Variants in CACNA1B observed in about 807,000 individuals in gnomAD.
CACNA1B encodes calcium voltage-gated channel subunit alpha1 B, also known as voltage-dependent N-type calcium channel subunit alpha-1B.
CACNA1B carries 70 observed loss-of-function variants against 247.2 expected under a neutral mutation model. That is an observed-to-expected ratio of 0.28 (90% CI 0.23 to 0.35). CACNA1B has a LOEUF of 0.35. Among genes scored for constraint, CACNA1B ranks in the 10% least tolerant of loss-of-function variants. CACNA1B has a pLI of 1.00. For synonymous variants in CACNA1B, 1,231 were observed against 1,294.4 expected, an observed-to-expected ratio of 0.95 and a Z score of 1.05; for missense variants, 2,367 against 3,197.4, an observed-to-expected ratio of 0.74 and a Z score of 6.26.
chr9:138,120,423 AG>A, intron 45 of CACNA1B, 51 bp downstream of exon 45: 1 of 1,498,338 alleles, frequency 6.7e-7, no homozygotes, highest in African/African-American at 1.4e-5. Flanking sequence ...GGCCCGAGTC[AG>A]GGGGTCCAAG....
intron 20 of CACNA1B, among the ~76,000 whole-genome samples, chr9:138,026,615 T>C (rs948996283): frequency 2.0e-5 from 3 of 152,224 alleles, no homozygotes; most frequent in Non-Finnish European, 4.4e-5. Context: ...GCTCATTTGT[T>C]TTAAGCGTTG....
chr9:137,910,443 G>C (rs904916236), intron 3 of CACNA1B, among the ~76,000 whole-genome samples: 2 of 152,128 alleles, frequency 1.3e-5, no homozygotes, highest in Non-Finnish European at 2.9e-5. Flanking sequence ...CAGAGGTCGG[G>C]GGATGGTTTT....
rs1209428507 is a variant in CACNA1B, at chr9:138,054,383, T to C, written c.3968+377T>C. ...AGAGGGGCTGCCCGATGGCTGGAGCTGCTGTCACTGTCCACATGAGGCCTC... is the reference window on the plus strand; with the variant it reads ...AGAGGGGCTGCCCGATGGCTGGAGCCGCTGTCACTGTCCACATGAGGCCTC... On this transcript the variant is annotated intron_variant, in intron 26 of 46. Coordinates refer to ENST00000371372, the MANE Select transcript of CACNA1B (RefSeq NM_000718.4). This position sits in a 1 kb window ranked among gnomAD's most constrained non-coding sequence, Gnocchi z 4.6. Among the ~76,000 whole-genome samples, 3 of 152,218 alleles carry C rather than the reference T, an allele frequency of 2.0e-5. No individual in the cohort carries two copies. The highest frequency in any genetic ancestry group is 2.1e-4 in the South Asian group (1 of 4,832).
intron 6 of CACNA1B, among the ~76,000 whole-genome samples, chr9:137,926,209 A>G (rs1302442840): frequency 6.6e-6 from 1 of 151,462 alleles, no homozygotes; most frequent in Non-Finnish European, 1.5e-5. Context: ...AGCTGGGATT[A>G]CAGGCACCTG....
chr9:137,953,526 G>A (rs1957903614), intron 7 of CACNA1B, among the ~76,000 whole-genome samples: 1 of 152,176 alleles, frequency 6.6e-6, no homozygotes, highest in Admixed American at 6.5e-5. Flanking sequence ...TCATTAGCAG[G>A]CCTCTCCAAA....
rs1957454576 is a variant in CACNA1B, at chr9:137,919,620, G to A, written c.966+2189G>A. Among the ~76,000 whole-genome samples the A allele has an allele frequency of 6.6e-6, 1 of 152,254 alleles. No homozygotes were observed. Among genetic ancestry groups the A allele is most frequent in the South Asian group, 2.1e-4 (1 of 4,832 alleles). On this transcript the variant is annotated intron_variant, in intron 6 of 46. Transcript: ENST00000371372. The surrounding 1 kb of genome is among the most constrained non-coding windows in gnomAD (Gnocchi z 4.6). ...GCCCCTCACCTCCAACCCAGTGAGA[G>A]GGACTTTTGTGGCCCCTCGGATATA...
chr9:137,921,286 G>A (rs1237188338), intron 6 of CACNA1B, among the ~76,000 whole-genome samples: 2 of 151,674 alleles, frequency 1.3e-5, no homozygotes, highest in Non-Finnish European at 3.0e-5. Context: ...AGAGTAAAGC[G>A]TTCGGAGAAC....
At chr9:137,953,004 T>C (rs111630932) in intron 7 of CACNA1B, among the ~76,000 whole-genome samples, 1,966 of 152,128 alleles carry the variant, frequency 0.013, 16 homozygotes, top group African/African-American at 0.019. Context: ...CTCCAGGGGA[T>C]GGTGAGAGAG....
chr9:138,101,409 A>G (rs926689484), intron 37 of CACNA1B, among the ~76,000 whole-genome samples: 4 of 152,190 alleles, frequency 2.6e-5, no homozygotes, highest in African/African-American at 7.2e-5. Flanking sequence ...TTGAGAGTGC[A>G]CAGAAAGCTT....
At chr9:138,108,308 C>CAAAAAAAAAA (rs935431476) in intron 39 of CACNA1B, among the ~76,000 whole-genome samples, 1 of 44,092 alleles carries the variant, frequency 2.3e-5, no homozygotes, top group African/African-American at 7.6e-5. Flanking sequence ...AACCCCATCT[C>CAAAAAAAAAA]AAAAAAAAAA....
In CACNA1B at chr9:137,986,807, A is replaced by G. The variant is rs1398402783; in HGVS notation, c.1927A>G (p.Thr643Ala). 2 of 1,613,796 alleles carry G rather than the reference A, an allele frequency of 1.2e-6. No homozygotes were observed. The highest frequency in any genetic ancestry group is 1.3e-5 in the African/African-American group (1 of 74,920). The change falls in exon 15 of 47, where the codon ACA (threonine) becomes GCA (alanine). Residue 643 changes from threonine to alanine, a missense_variant. Thr to Ala is a moderately conservative substitution (Grantham distance 58). This residue lies in a region of CACNA1B where 76 missense variants were observed against 191.0 expected (regional missense o/e 0.40). Coordinates refer to ENST00000371372, the MANE Select transcript of CACNA1B (RefSeq NM_000718.4). The surrounding 1 kb of genome is among the most constrained non-coding windows in gnomAD (Gnocchi z 6.0). Reference protein sequence around the residue: ...GQFNFQDETPTTNFDTFPAAI... With the variant: ...GQFNFQDETPATNFDTFPAAI... Reference sequence around the variant, plus strand: ...GTTCAACTTCCAGGATGAGACTCCCACAACCAACTTCGACACCTTCCCTGC... The same window carrying G: ...GTTCAACTTCCAGGATGAGACTCCCGCAACCAACTTCGACACCTTCCCTGC...
intron 37 of CACNA1B, among the ~76,000 whole-genome samples, chr9:138,097,870 C>T (rs1368612533): frequency 1.3e-5 from 2 of 152,228 alleles, no homozygotes; most frequent in Non-Finnish European, 2.9e-5. Context: ...ACACAAAAGG[C>T]CTGGGAGCCC....
chr9:138,074,146 A>G (rs2131314028), intron 34 of CACNA1B, 80 bp downstream of exon 34: 1 of 981,062 alleles, frequency 1.0e-6, no homozygotes, highest in East Asian at 2.4e-5. Context: ...ATGATTGTCA[A>G]ATCATCGTCA....
intron 15 of CACNA1B, among the ~76,000 whole-genome samples, chr9:138,000,388 G>A (rs960782797): frequency 3.9e-5 from 6 of 152,172 alleles, no homozygotes; most frequent in Non-Finnish European, 5.9e-5. Flanking sequence ...ATGAGCCACC[G>A]TGCCTGGCCA....
Position 138,119,536 on chromosome 9 carries a change from C to T in CACNA1B, c.6031-629C>T, listed in dbSNP as rs567888449. ...GTGGATCTGAACCTCGTCCGTGGCT[C>T]GTCTCCCATCCCACTGCTGTGGCCA... is the stretch of plus-strand genomic sequence containing the variant. On this transcript the variant is annotated intron_variant, in intron 44 of 46. Coordinates refer to ENST00000371372, the MANE Select transcript of CACNA1B (RefSeq NM_000718.4). Among the ~76,000 whole-genome samples, 12 of 152,302 alleles carry T rather than the reference C, an allele frequency of 7.9e-5. No homozygotes were observed. In the South Asian group the frequency reaches 1.7e-3, roughly 21 times the overall value.
At chr9:137,907,994 G>A (rs182840123) in intron 3 of CACNA1B, among the ~76,000 whole-genome samples, 2 of 152,260 alleles carry the variant, frequency 1.3e-5, no homozygotes, top group African/African-American at 2.4e-5. Flanking sequence ...GGTTTCATAC[G>A]TCAGGCCTGT....
chr9:137,929,363 G>A (rs953153035), intron 6 of CACNA1B, among the ~76,000 whole-genome samples: 2 of 152,078 alleles, frequency 1.3e-5, no homozygotes, highest in African/African-American at 4.8e-5. Context: ...AGACCAGCCT[G>A]GGCACCATAG....
intron 36 of CACNA1B, among the ~76,000 whole-genome samples, chr9:138,087,200 A>G (rs1462672013): frequency 6.7e-6 from 1 of 149,814 alleles, no homozygotes; most frequent in Non-Finnish European, 1.5e-5. Flanking sequence ...AGCCTGGCTA[A>G]CATGGTGAAA....
At chr9:138,032,401 C>A (rs11137344) in intron 20 of CACNA1B, among the ~76,000 whole-genome samples, 29,500 of 152,106 alleles carry the variant, frequency 0.19, 7,675 homozygotes, top group African/African-American at 0.6. Context: ...TCAACTGTCA[C>A]ACATAATTTA....
Sources: gnomAD v4.1 joint callset for allele counts (sites outside exome capture counted in the v4.1 genomes callset) on GRCh38, gnomAD v4.1.1 for gene constraint, gnomAD v4.1.1 regional missense constraint, Gnocchi (gnomAD v3.1) non-coding constraint, MANE v1.5 for transcripts, NCBI Gene and HGNC (gene_info 2026-07-23, HGNC 2026-07-21) for gene names.